GDA: variants seen among roughly 807,000 people sequenced by gnomAD.
GDA encodes the protein guanine deaminase, also known as cytoplasmic PSD-95 interactor.
A neutral mutation model predicts 59.6 loss-of-function variants in GDA; 18 were observed. The observed-to-expected ratio is 0.30, with a 90% CI of 0.21 to 0.45. The LOEUF (loss-of-function observed/expected upper bound fraction) is 0.45. GDA is among the 20% of genes least tolerant of loss of function. The pLI, the probability that GDA is intolerant of heterozygous loss-of-function variation, is 1.00. For missense variants in GDA, 427 were observed against 552.3 expected (o/e 0.77, Z 2.27); for synonymous variants, 201 against 201.1 (o/e 1.00, Z 0.00).
rs1840358705 is a variant in GDA, at chr9:72,248,304, G to C, written c.1327G>C (p.Gly443Arg). The change falls in exon 14 of 14, where the codon GGC becomes CGC. Residue 443 changes from glycine (G) to arginine (R), a missense_variant. Coordinates refer to ENST00000358399, the MANE Select transcript of GDA (RefSeq NM_004293.5). ...DDRNIEEVYVGGKQVVPFSSS... is the reference protein window; with the variant it reads ...DDRNIEEVYVRGKQVVPFSSS... Reference sequence around the variant, plus strand: ...TCGAAATATTGAAGAGGTTTATGTGGGCGGAAAGCAGGTGGTTCCGTTTTC... The same window carrying C: ...TCGAAATATTGAAGAGGTTTATGTGCGCGGAAAGCAGGTGGTTCCGTTTTC... The C allele has an allele frequency of 4.3e-6, 7 of 1,613,334 alleles. No individual in the cohort carries two copies. In the East Asian group the frequency reaches 1.6e-4, roughly 36 times the overall value.
intron 3 of GDA, 143 bp downstream of exon 3, chr9:72,202,885 C>CTACACTTTT: frequency 2.0e-6 from 1 of 489,268 alleles, no homozygotes; most frequent in Non-Finnish European, 3.4e-6. Flanking sequence ...TTTTCACAGT[C>CTACACTTTT]CAGTGAGTTT....
At chr9:72,163,586 G>A (rs1220947637) in intron 1 of GDA, among the ~76,000 whole-genome samples, 2 of 151,618 alleles carry the variant, frequency 1.3e-5, no homozygotes, top group African/African-American at 4.9e-5. Flanking sequence ...TCCACCTCCC[G>A]GGTTCACGCC....
chr9:72,244,081 G>T (rs1296318065), intron 11 of GDA, among the ~76,000 whole-genome samples: 2 of 151,838 alleles, frequency 1.3e-5, no homozygotes, highest in Non-Finnish European at 2.9e-5. Context: ...GGAGGCTGAG[G>T]CAGGAGAATG....
chr9:72,201,815 T>C (rs990760270), intron 2 of GDA, among the ~76,000 whole-genome samples: 1 of 152,180 alleles, frequency 6.6e-6, no homozygotes, highest in Non-Finnish European at 1.5e-5. Context: ...CTGAACACTT[T>C]CCAGGACTTT....
At chr9:72,130,335 T>G (rs1274134358) in intron 1 of GDA, among the ~76,000 whole-genome samples, 2 of 152,224 alleles carry the variant, frequency 1.3e-5, no homozygotes, top group African/African-American at 4.8e-5. Flanking sequence ...AAACAGATAC[T>G]ACCAGGAGGT....
chr9:72,148,241 A>G (rs1180434060), upstream of GDA, among the ~76,000 whole-genome samples: 6 of 151,956 alleles, frequency 3.9e-5, no homozygotes, highest in Non-Finnish European at 1.5e-5. Flanking sequence ...CATGTATGGA[A>G]CACCGGCATT....
intron 1 of GDA, among the ~76,000 whole-genome samples, chr9:72,133,130 A>G (rs907404842): frequency 1.3e-5 from 2 of 151,736 alleles, no homozygotes; most frequent in African/African-American, 4.8e-5. Context: ...CTCTACTAAA[A>G]TACAAAAAAA....
intron 6 of GDA, among the ~76,000 whole-genome samples, chr9:72,222,304 A>G (rs986050156): frequency 6.6e-6 from 1 of 152,160 alleles, no homozygotes; most frequent in Admixed American, 6.5e-5. Context: ...TATTTCTCTA[A>G]TGATCAGTGA....
intron 3 of GDA, 32 bp from the exon 4 acceptor site, chr9:72,210,655 C>A: frequency 1.6e-6 from 2 of 1,224,132 alleles, no homozygotes; most frequent in Non-Finnish European, 2.4e-6. Flanking sequence ...TCTGAGCACA[C>A]GTGATTCGCG....
chr9:72,122,036 T>G (rs73647194), intron 1 of GDA, among the ~76,000 whole-genome samples: 2 of 152,176 alleles, frequency 1.3e-5, no homozygotes, highest in Non-Finnish European at 2.9e-5. Flanking sequence ...TGTGTTGAGA[T>G]AGATCAGACC....
At chr9:72,178,009 A>G (rs1429565578) in intron 1 of GDA, among the ~76,000 whole-genome samples, 1 of 152,144 alleles carries the variant, frequency 6.6e-6, no homozygotes, top group Non-Finnish European at 1.5e-5. Flanking sequence ...TTCTTGACCA[A>G]TTCACTCTCT....
chr9:72,162,803 G>A (rs532901424), intron 1 of GDA, among the ~76,000 whole-genome samples: 44 of 152,030 alleles, frequency 2.9e-4, no homozygotes, highest in African/African-American at 7.7e-4. Context: ...GACTACAGGC[G>A]CCCGCCACCA....
downstream of GDA, chr9:72,253,639 G>A (rs1362102444): frequency 6.6e-6 from 1 of 152,162 alleles, no homozygotes; most frequent in Admixed American, 6.5e-5. Context: ...TGGGCATGAT[G>A]AAACTGCTTC....
intron 1 of GDA, among the ~76,000 whole-genome samples, chr9:72,184,191 G>A (rs960571900): frequency 1.3e-5 from 2 of 152,040 alleles, no homozygotes; most frequent in African/African-American, 4.8e-5. Context: ...TGCAACAACT[G>A]ATAAACCTAC....
Position 72,245,298 on chromosome 9 carries a change from T to A in GDA, c.1266+20T>A, listed in dbSNP as rs1199194804. The A allele has an allele frequency of 1.9e-6, 3 of 1,579,926 alleles. No homozygotes were observed. Among genetic ancestry groups the A allele is most frequent in the Non-Finnish European group, 2.6e-6 (3 of 1,150,114 alleles). On this transcript the variant is annotated intron_variant, in intron 12 of 13. Transcript: ENST00000358399. ...TCTGAGGTAAGTAAAAGAAAGTTAA[T>A]CAAAAGGCATTTATTTCATAAAGTC...
intron 1 of GDA, among the ~76,000 whole-genome samples, chr9:72,133,597 T>C (rs898764501): frequency 1.3e-5 from 2 of 152,164 alleles, no homozygotes; most frequent in African/African-American, 4.8e-5. Context: ...TGATCATTTG[T>C]TGCAAAATGC....
In GDA at chr9:72,135,618, G is replaced by A. The variant is rs557577328; in HGVS notation, c.-100+20785G>A. Reference sequence around the variant, plus strand: ...TGAACAAAGTAGTATTTCTGTCCTCGATCAAGCTCTTGTGACTTTAAGAAT... The same window carrying A: ...TGAACAAAGTAGTATTTCTGTCCTCAATCAAGCTCTTGTGACTTTAAGAAT... On this transcript the variant is annotated intron_variant, in intron 1 of 13. Transcript: ENST00000545168. Among the ~76,000 whole-genome samples, 9 of 152,146 alleles carry A rather than the reference G, an allele frequency of 5.9e-5. No individual in the cohort carries two copies. The South Asian group carries it at 6.2e-4, about 11-fold the overall frequency.
intron 1 of GDA, among the ~76,000 whole-genome samples, chr9:72,168,389 T>C (rs1346718792): frequency 8.1e-6 from 1 of 123,562 alleles, no homozygotes; most frequent in Non-Finnish European, 1.8e-5. Flanking sequence ...TGAGACTTTG[T>C]CTTTTTTTTT....
intron 1 of GDA, among the ~76,000 whole-genome samples, chr9:72,170,659 C>G (rs1829852892): frequency 6.6e-6 from 1 of 152,118 alleles, no homozygotes; most frequent in Admixed American, 6.6e-5. Context: ...TAGAGCTCTT[C>G]TTTTGTTTTC....
Sources: allele counts gnomAD v4.1 joint callset (sites outside exome capture counted in the v4.1 genomes callset), GRCh38; gene constraint gnomAD v4.1.1; transcripts MANE v1.5; gene names NCBI Gene and HGNC (gene_info 2026-07-23, HGNC 2026-07-21).